GLRA3: variants seen among roughly 807,000 people sequenced by gnomAD.
The protein encoded by GLRA3 is glycine receptor subunit alpha-3.
Under a neutral mutation model 60.4 loss-of-function variants are expected in GLRA3, and 44 were observed. That is an observed-to-expected ratio of 0.73 (90% CI 0.57 to 0.94). The LOEUF (loss-of-function observed/expected upper bound fraction) is 0.94. GLRA3 is among the 40% of genes least tolerant of loss of function. GLRA3 has a pLI of 0.00. For synonymous variants in GLRA3, 223 were observed against 192.9 expected, an observed-to-expected ratio of 1.16 and a Z score of -1.29; for missense variants, 508 against 564.6, an observed-to-expected ratio of 0.90 and a Z score of 1.02.
chr4:174,674,624 C>T (rs1205302287), intron 7 of GLRA3, among the ~76,000 whole-genome samples: 2 of 152,120 alleles, frequency 1.3e-5, no homozygotes, highest in African/African-American at 4.8e-5. Flanking sequence ...TGTATTGACA[C>T]AGAGCCTAGA....
chr4:174,820,107 C>T (rs547483815), intron 1 of GLRA3, among the ~76,000 whole-genome samples: 51 of 151,910 alleles, frequency 3.4e-4, no homozygotes, highest in Non-Finnish European at 1.3e-4. Flanking sequence ...GAATTGTTTC[C>T]AAATAAGAAC....
intron 8 of GLRA3, 126 bp downstream of exon 8, chr4:174,658,928 G>A: frequency 1.3e-6 from 1 of 785,572 alleles, no homozygotes; most frequent in East Asian, 2.7e-5. Flanking sequence ...GGAAAAAAAT[G>A]AAAGGAATAT....
rs367910240 is a variant in GLRA3 at position 174,683,962 on chromosome 4, T to C, written c.575-1023A>G. ...TTCAAAGAGAGGGTAGCATTCATTA[T>C]TGATATATATGGGCTTTTAAAATTT... On this transcript the variant is annotated intron_variant, in intron 5 of 9. Transcript: ENST00000274093. 5.3e-5 allele frequency among the ~76,000 whole-genome samples: 8 copies of C among 152,332 alleles called. No individual in the cohort carries two copies. In the East Asian group the frequency reaches 1.3e-3, roughly 26 times the overall value.
At chr4:174,649,435 C>T (rs957384775) in intron 9 of GLRA3, among the ~76,000 whole-genome samples, 3 of 152,150 alleles carry the variant, frequency 2.0e-5, no homozygotes, top group Non-Finnish European at 2.9e-5. Flanking sequence ...AGGATCTTGG[C>T]ATCTCTGGCT....
intron 4 of GLRA3, among the ~76,000 whole-genome samples, chr4:174,716,012 G>A (rs1735904827): frequency 6.6e-6 from 1 of 152,124 alleles, no homozygotes; most frequent in Non-Finnish European, 1.5e-5. Context: ...ACGTCAAAAG[G>A]TATCTTTCCT....
rs551274144 is a variant in GLRA3, at chr4:174,783,114, A to G, written c.199+5702T>C. On this transcript the variant is annotated intron_variant, in intron 2 of 9. Transcript: ENST00000274093. ...CAAAACAGCATGGTACTGGTACCAAAACAGAGATATAGATCAATGGAACAG... is the reference window on the plus strand; with the variant it reads ...CAAAACAGCATGGTACTGGTACCAAGACAGAGATATAGATCAATGGAACAG... 1.1e-4 allele frequency among the ~76,000 whole-genome samples: 16 copies of G among 152,302 alleles called. No individual in the cohort carries two copies. In the South Asian group the frequency reaches 3.3e-3, roughly 32 times the overall value.
At chr4:174,806,051 A>C (rs1250657826) in intron 1 of GLRA3, among the ~76,000 whole-genome samples, 1 of 152,092 alleles carries the variant, frequency 6.6e-6, no homozygotes, top group Non-Finnish European at 1.5e-5. Flanking sequence ...GATCAGGTGA[A>C]AGGTATAGCA....
In GLRA3 at chr4:174,728,624, G is replaced by A. The variant is rs757476994; in HGVS notation, c.342C>T (p.Asp114=). ...ACATGGAGGGGTCGAGGTCTAAAGA[G>A]TCGTCAGGATATTCACTGTACGCGA... is the stretch of plus-strand genomic sequence containing the variant. ...PRLAYSEYPD[D]SLDLDPSMLD... Residue 114 remains aspartate (D), a synonymous_variant, in exon 4 of 10, where the codon GAC becomes GAT. Transcript: ENST00000274093. The A allele has an allele frequency of 6.2e-7, 1 of 1,612,498 alleles. No homozygotes were observed. Among genetic ancestry groups the A allele is most frequent in the South Asian group, 1.1e-5 (1 of 91,052 alleles).
rs371718676 is a variant in GLRA3 at position 174,684,078 on chromosome 4, G to A, written c.575-1139C>T. ...ACTCCTTAAGCCATAATGTTGAATA[G>A]AATTGGAGTATTTTCTTTAGAATTT... On this transcript the variant is annotated intron_variant, in intron 5 of 9. Coordinates refer to ENST00000274093, the MANE Select transcript of GLRA3 (RefSeq NM_006529.4). Among the ~76,000 whole-genome samples, 91 of 152,196 alleles carry A rather than the reference G, an allele frequency of 6.0e-4. 2 individuals carry two copies. In the South Asian group the frequency reaches 0.018, roughly 29 times the overall value.
chr4:174,726,615 T>G (rs1190020721), intron 4 of GLRA3, among the ~76,000 whole-genome samples: 3 of 152,176 alleles, frequency 2.0e-5, no homozygotes, highest in Admixed American at 2.0e-4. Context: ...AAGTCTAGGA[T>G]GTACGAAGCA....
At chr4:174,755,275 T>C (rs553948991) in intron 3 of GLRA3, among the ~76,000 whole-genome samples, 2 of 152,246 alleles carry the variant, frequency 1.3e-5, no homozygotes, top group African/African-American at 4.8e-5. Context: ...ATGCTGAGCA[T>C]GTCGCTAGCT....
intron 5 of GLRA3, among the ~76,000 whole-genome samples, chr4:174,692,194 A>G (rs571408175): frequency 0.42 from 62,302 of 148,676 alleles, 13,607 homozygotes; most frequent in Middle Eastern, 0.53. Flanking sequence ...GTCTCCACCC[A>G]GCAGCCACCC....
intron 6 of GLRA3, among the ~76,000 whole-genome samples, chr4:174,679,849 G>A (rs576403540): frequency 1.3e-5 from 2 of 152,314 alleles, no homozygotes; most frequent in East Asian, 1.9e-4. Context: ...TAGTGGTTTC[G>A]AGAGGCTGAG....
intron 1 of GLRA3, among the ~76,000 whole-genome samples, chr4:174,823,436 A>G (rs557806494): frequency 5.9e-4 from 90 of 152,224 alleles, no homozygotes; most frequent in African/African-American, 2.0e-3. Context: ...GAGGCAGAAG[A>G]ATTGCTTGAA....
chr4:174,659,003 CT>C (rs751995690), intron 8 of GLRA3, 50 bp downstream of exon 8: 1 of 1,502,284 alleles, frequency 6.7e-7, no homozygotes, highest in East Asian at 2.3e-5. Flanking sequence ...AACAAATTCA[CT>C]TTCGAGTGAA....
In GLRA3 at chr4:174,643,131, G is replaced by T; in HGVS notation, c.*655C>A. The T allele has an allele frequency of 1.1e-6, 1 of 885,306 alleles. No individual in the cohort carries two copies. Among genetic ancestry groups the T allele is most frequent in the South Asian group, 5.2e-5 (1 of 19,136 alleles). The allele number at this position is 885,306 out of a possible 1,614,324, so 54.8% of individuals were successfully genotyped here. ...ACAAAGTTTAAGAAAAGTAGATTGT[G>T]ACTGTAACACGATCTCTTGTTATTT... On this transcript the variant is annotated 3_prime_UTR_variant, in exon 10 of 10. Coordinates refer to ENST00000274093, the MANE Select transcript of GLRA3 (RefSeq NM_006529.4).
chr4:174,810,362 T>A (rs1470270083), intron 1 of GLRA3, among the ~76,000 whole-genome samples: 2 of 151,930 alleles, frequency 1.3e-5, no homozygotes, highest in East Asian at 1.9e-4. Flanking sequence ...AAGGCAACTC[T>A]CTCCCCTTCA....
chr4:174,825,505 AAT>A (rs1256026899), intron 1 of GLRA3, among the ~76,000 whole-genome samples: 1 of 152,114 alleles, frequency 6.6e-6, no homozygotes, highest in Non-Finnish European at 1.5e-5. Flanking sequence ...AAAGATGAAA[AAT>A]TAAATGATAT....
intron 5 of GLRA3, among the ~76,000 whole-genome samples, chr4:174,708,037 G>C (rs1039882836): frequency 6.6e-6 from 1 of 152,072 alleles, no homozygotes; most frequent in Admixed American, 6.6e-5. Flanking sequence ...GTCTTGGGAG[G>C]ACTTCTGTTT....
Sources: allele counts gnomAD v4.1 joint callset (sites outside exome capture counted in the v4.1 genomes callset), GRCh38; gene constraint gnomAD v4.1.1; transcripts MANE v1.5; gene names NCBI Gene and HGNC (gene_info 2026-07-23, HGNC 2026-07-21).